The following IRS1 variants were observed in gnomAD, a reference collection of about 807,000 sequenced individuals.
IRS1 encodes insulin receptor substrate 1.
A neutral mutation model predicts 65.6 loss-of-function variants in IRS1; 34 were observed. That is an observed-to-expected ratio of 0.52 (90% CI 0.39 to 0.69). IRS1 has a LOEUF of 0.69. IRS1 is among the 30% of genes least tolerant of loss of function. The pLI is 0.00. For missense variants in IRS1, 1,641 were observed against 1,720.2 expected, an observed-to-expected ratio of 0.95 and a Z score of 0.81; for synonymous variants, 699 against 683.5, an observed-to-expected ratio of 1.02 and a Z score of -0.35.
In IRS1 at chr2:226,795,299, T is replaced by C. The variant is rs748011125; in HGVS notation, c.3440A>G (p.Glu1147Gly). The change falls in exon 1 of 2, where the codon GAG becomes GGG. Residue 1147 changes from glutamate to glycine, a missense_variant. Around this residue, in one of 3 missense-constraint regions of IRS1, gnomAD observed 1,324 missense variants for 1,361.0 expected, o/e 0.97. Transcript: ENST00000305123. Reference protein sequence around the residue: ...DVKRHSSASFENVWLRPGELG... With the variant: ...DVKRHSSASFGNVWLRPGELG... ...CTCCCCAGGCCTCAGCCACACATTC[T>C]CAAAGGAAGCAGAGCTGTGGCGTTT... 1.6e-5 allele frequency: 26 copies of C among 1,613,822 alleles called. No individual in the cohort carries two copies. The highest frequency in any genetic ancestry group is 2.2e-5 in the Non-Finnish European group (26 of 1,180,022).
intron 1 of IRS1, among the ~76,000 whole-genome samples, chr2:226,740,804 A>G (rs566451129): frequency 6.6e-6 from 1 of 152,306 alleles, no homozygotes; most frequent in East Asian, 1.9e-4. Flanking sequence ...AATTGTTAGA[A>G]AGTAACTCTT....
chr2:226,763,656 C>T (rs1232685243), intron 1 of IRS1, among the ~76,000 whole-genome samples: 2 of 152,176 alleles, frequency 1.3e-5, no homozygotes, highest in Non-Finnish European at 2.9e-5. Context: ...GCCCAGGTAT[C>T]TACGTATTCT....
At position 226,798,016 on chromosome 2, in the gene IRS1, A is replaced by C; in HGVS notation, c.723T>G (p.Asp241Glu). The C allele has an allele frequency of 6.2e-7, 1 of 1,614,050 alleles. No individual in the cohort carries two copies. The highest frequency in any genetic ancestry group is 8.5e-7 in the Non-Finnish European group (1 of 1,180,010). The part of the protein sequence containing the change: ...TGPGEFWMQV[D>E]DSVVAQNMHE... ...GCATGTTCTGGGCCACCACAGAGTC[A>C]TCCACCTGCATCCAGAACTCCCCGG... is the stretch of plus-strand genomic sequence containing the variant. The change falls in exon 1 of 2, where the codon GAT becomes GAG. Residue 241 changes from aspartate (D) to glutamate (E), a missense_variant. Coordinates refer to ENST00000305123, the MANE Select transcript of IRS1 (RefSeq NM_005544.3). This position sits in a 1 kb window ranked among gnomAD's most constrained non-coding sequence, Gnocchi z 9.4.
chr2:226,798,292 C>G lies in IRS1; in HGVS notation c.447G>C (p.Leu149Phe), dbSNP rs761257723. Reference sequence around the variant, plus strand: ...GTCCTGGGGGCACGTCACCGTAGCTCAAGTCCTCCCCAGCCTCACCAAGGC... The same window carrying G: ...GTCCTGGGGGCACGTCACCGTAGCTGAAGTCCTCCCCAGCCTCACCAAGGC... ...SSGLGEAGEDLSYGDVPPGPA... is the reference protein window; with the variant it reads ...SSGLGEAGEDFSYGDVPPGPA... Residue 149 changes from leucine (L) to phenylalanine (F), a missense_variant, in exon 1 of 2, where the codon TTG becomes TTC. Leu to Phe is a conservative substitution (Grantham distance 22). Around this residue, in one of 3 missense-constraint regions of IRS1, gnomAD observed 240 missense variants for 229.6 expected, o/e 1.05. Coordinates refer to ENST00000305123, the MANE Select transcript of IRS1 (RefSeq NM_005544.3). The surrounding 1 kb of genome is among the most constrained non-coding windows in gnomAD (Gnocchi z 9.4). 3.4e-5 allele frequency: 55 copies of G among 1,613,108 alleles called. No individual in the cohort carries two copies. Among genetic ancestry groups the G allele is most frequent in the Non-Finnish European group, 4.6e-5 (54 of 1,179,902 alleles).
chr2:226,791,228 T>C (rs897043644), intron 1 of IRS1, among the ~76,000 whole-genome samples: 1 of 151,900 alleles, frequency 6.6e-6, no homozygotes, highest in African/African-American at 2.4e-5. Flanking sequence ...CTCCCTCCCT[T>C]GGTTGAGGGG....
In IRS1 at chr2:226,766,120, CTTAT is replaced by C. The variant is rs1444564443; in HGVS notation, c.*21+28865_*21+28868del. On this transcript the variant is annotated intron_variant, in intron 1 of 1. Transcript: ENST00000305123. ...AATTTTCCCAAGGCCCTCTCTTAAT[CTTAT>C]ATATATATATATATATATATATATA... Among the ~76,000 whole-genome samples the C allele has an allele frequency of 1.4e-3, 43 of 31,688 alleles. 1 individual carries two copies. Among genetic ancestry groups the C allele is most frequent in the African/African-American group, 4.9e-3 (37 of 7,618 alleles). The allele number at this position is 31,688 out of a possible 152,430, so 20.8% of individuals were successfully genotyped here. A position where few individuals can be genotyped will look rare whatever the true frequency, so the allele number is the denominator to read the frequency against.
At position 226,798,007 on chromosome 2, in the gene IRS1, C is replaced by G. The variant is rs761025205; in HGVS notation, c.732G>C (p.Val244=). ...TGGTCTCGTGCATGTTCTGGGCCAC[C>G]ACAGAGTCATCCACCTGCATCCAGA... The part of the protein sequence containing the change: ...GEFWMQVDDS[V]VAQNMHETIL... The change falls in exon 1 of 2, where the codon GTG becomes GTC. Residue 244 remains valine, a synonymous_variant. Coordinates refer to ENST00000305123, the MANE Select transcript of IRS1 (RefSeq NM_005544.3). This position sits in a 1 kb window ranked among gnomAD's most constrained non-coding sequence, Gnocchi z 9.4. 1 of 1,614,090 alleles carries G rather than the reference C, an allele frequency of 6.2e-7. No individual in the cohort carries two copies. The highest frequency in any genetic ancestry group is 8.5e-7 in the Non-Finnish European group (1 of 1,180,016).
intron 1 of IRS1, among the ~76,000 whole-genome samples, chr2:226,742,428 C>T (rs1938456975): frequency 6.6e-6 from 1 of 152,298 alleles, no homozygotes; most frequent in Middle Eastern, 3.4e-3. Context: ...GTTTTGTGGT[C>T]TCAAATGGCA....
At chr2:226,771,606 C>CATATTTAAACATACATATAAT (rs1349476873) in intron 1 of IRS1, among the ~76,000 whole-genome samples, 1 of 151,836 alleles carries the variant, frequency 6.6e-6, no homozygotes, top group Non-Finnish European at 1.5e-5. Context: ...ATATATAATA[C>CATATTTAAACATACATATAAT]ATATTTAAAC....
intron 1 of IRS1, among the ~76,000 whole-genome samples, chr2:226,744,438 A>G (rs1938498146): frequency 6.6e-6 from 1 of 152,304 alleles, no homozygotes; most frequent in East Asian, 1.9e-4. Flanking sequence ...AATAGGGGCA[A>G]GCTCAACCTC....
chr2:226,769,580 G>T (rs1939125078), intron 1 of IRS1, among the ~76,000 whole-genome samples: 1 of 152,168 alleles, frequency 6.6e-6, no homozygotes, highest in Admixed American at 6.5e-5. Context: ...CGCGTTTCAT[G>T]GGAGGCTTAG....
intron 1 of IRS1, among the ~76,000 whole-genome samples, chr2:226,791,136 G>A (rs1023412198): frequency 2.6e-5 from 4 of 152,168 alleles, no homozygotes; most frequent in African/African-American, 9.7e-5. Context: ...AGTGTATGGA[G>A]CCTAGGGCAC....
chr2:226,741,638 C>T (rs1001765603), intron 1 of IRS1, among the ~76,000 whole-genome samples: 1 of 152,116 alleles, frequency 6.6e-6, no homozygotes, highest in Admixed American at 6.6e-5. Flanking sequence ...CTCCCTCCTA[C>T]CACAATTCTT....
rs1939856176 is a variant in IRS1, at chr2:226,799,797, G to A, written c.-1059C>T. ...GAGAAAAACACGTGACGGAGCCTCCGCGCTCGGCAGCCGGGCAGCCGCCGC... is the reference window on the plus strand; with the variant it reads ...GAGAAAAACACGTGACGGAGCCTCCACGCTCGGCAGCCGGGCAGCCGCCGC... On this transcript the variant is annotated 5_prime_UTR_variant, in exon 1 of 2. Coordinates refer to ENST00000305123, the MANE Select transcript of IRS1 (RefSeq NM_005544.3). This position sits in a 1 kb window ranked among gnomAD's most constrained non-coding sequence, Gnocchi z 6.1. 1.0e-6 allele frequency: 1 copy of A among 990,310 alleles called. No individual in the cohort carries two copies. The highest frequency in any genetic ancestry group is 1.2e-6 in the Non-Finnish European group (1 of 829,812). 61.3% of individuals were successfully genotyped at this position (990,310 alleles called of 1,614,324 possible). A position where few individuals can be genotyped will look rare whatever the true frequency, so the allele number is the denominator to read the frequency against.
Position 226,799,543 on chromosome 2 carries a change from C to T in IRS1, c.-805G>A. ...ACTCATCCCTGCCCCTCGCTCCAGG[C>T]GGCTGGGGAGGAGGGGAGGGGACAA... is the stretch of plus-strand genomic sequence containing the variant. On this transcript the variant is annotated 5_prime_UTR_variant, in exon 1 of 2. Transcript: ENST00000305123. The surrounding 1 kb of genome is among the most constrained non-coding windows in gnomAD (Gnocchi z 6.1). 9.4e-7 allele frequency: 1 copy of T among 1,064,192 alleles called. No individual in the cohort carries two copies. Among genetic ancestry groups the T allele is most frequent in the South Asian group, 2.6e-5 (1 of 37,886 alleles). 65.9% of individuals were successfully genotyped at this position (1,064,192 alleles called of 1,614,324 possible).
chr2:226,754,954 G>A lies in IRS1; in HGVS notation c.*22-18704C>T, dbSNP rs1181718332. Among the ~76,000 whole-genome samples, 4 of 152,274 alleles carry A rather than the reference G, an allele frequency of 2.6e-5. No individual in the cohort carries two copies. In the East Asian group the frequency reaches 7.7e-4, roughly 29 times the overall value. On this transcript the variant is annotated intron_variant, in intron 1 of 1. Transcript: ENST00000305123. ...TCATTTCCAGAAGAGTCTAGACAGT[G>A]GTAGACACAACAAACTGGGTGTGAC...
chr2:226,792,988 C>T (rs761552137), intron 1 of IRS1, among the ~76,000 whole-genome samples: 3 of 152,048 alleles, frequency 2.0e-5, no homozygotes, highest in Non-Finnish European at 4.4e-5. Context: ...AAAGCATGGT[C>T]GATTGTTACT....
At chr2:226,789,887 G>A (rs559114146) in intron 1 of IRS1, among the ~76,000 whole-genome samples, 28 of 152,262 alleles carry the variant, frequency 1.8e-4, no homozygotes, top group African/African-American at 6.7e-4. Flanking sequence ...GTTAAAACTC[G>A]AAAATGCCCC....
At chr2:226,775,444 G>A (rs372712190) in intron 1 of IRS1, among the ~76,000 whole-genome samples, 7 of 152,220 alleles carry the variant, frequency 4.6e-5, no homozygotes, top group African/African-American at 1.2e-4. Flanking sequence ...ACAAGGAGGC[G>A]AGAATGGTCC....
Sources: allele counts gnomAD v4.1 joint callset (sites outside exome capture counted in the v4.1 genomes callset), GRCh38; gene constraint gnomAD v4.1.1; regional missense constraint gnomAD v4.1.1; non-coding constraint Gnocchi (gnomAD v3.1); transcripts MANE v1.5; gene names NCBI Gene and HGNC (gene_info 2026-07-23, HGNC 2026-07-21).